The following TMEM134 variants were observed in gnomAD, a reference collection of about 807,000 sequenced individuals.
TMEM134 encodes transmembrane protein 134.
A neutral mutation model predicts 26.2 loss-of-function variants in TMEM134; 36 were observed. The ratio of observed to expected loss-of-function variants is 1.37; its 90% CI spans 1.05 to 1.81. TMEM134 has a LOEUF of 1.81. Ranked by LOEUF, TMEM134 falls within the 40% of genes most tolerant of loss-of-function variation. The pLI is 0.00. For synonymous variants in TMEM134, 133 were observed against 113.6 expected (o/e 1.17, Z -1.08); for missense variants, 339 against 263.5 (o/e 1.29, Z -1.98).
intron 5 of TMEM134, 74 bp from the exon 6 acceptor site, chr11:67,464,930 C>T: frequency 1.9e-6 from 3 of 1,569,546 alleles, no homozygotes; most frequent in Admixed American, 1.7e-5. Flanking sequence ...CCGCTGACTG[C>T]CCGGGCAAGC....
At chr11:67,464,900 C>T in intron 5 of TMEM134, 44 bp from the exon 6 acceptor site, 1 of 1,602,462 alleles carries the variant, frequency 6.2e-7, no homozygotes, top group Non-Finnish European at 8.5e-7. Flanking sequence ...GGGGCGGAGG[C>T]TTCGAGGCCT....
chr11:67,469,167 CTGAA>C lies in TMEM134; in HGVS notation c.22_25del (p.Phe8AlafsTer108). On this transcript the variant is annotated frameshift_variant, in exon 1 of 7. Coordinates refer to ENST00000308022, the MANE Select transcript of TMEM134 (RefSeq NM_025124.4). LOFTEE classifies it high-confidence loss of function. ...GGACAGCTCGAAGGCATCATCAATGCTGAACTGGGGCCGGGCGGCGCTCATGGCC... is the reference window on the plus strand; with the variant it reads ...GGACAGCTCGAAGGCATCATCAATGCCTGGGGCCGGGCGGCGCTCATGGCC... The C allele has an allele frequency of 1.4e-6, 2 of 1,403,826 alleles. No homozygotes were observed. Among genetic ancestry groups the C allele is most frequent in the Non-Finnish European group, 9.3e-7 (1 of 1,070,110 alleles). 87.0% of individuals were successfully genotyped at this position (1,403,826 alleles called of 1,614,324 possible).
intron 2 of TMEM134, 80 bp from the exon 3 acceptor site, chr11:67,467,670 G>C (rs1421088357): frequency 3.6e-6 from 5 of 1,407,182 alleles, no homozygotes; most frequent in Non-Finnish European, 5.0e-6. Context: ...TGAAGTGCAG[G>C]GCATGGTGCA....
rs1243077372 is a variant in TMEM134, at chr11:67,463,237, G to A, written c.*1377C>T. 6.6e-6 allele frequency: 1 copy of A among 152,234 alleles called. No individual in the cohort carries two copies. The highest frequency in any genetic ancestry group is 2.4e-5 in the African/African-American group (1 of 41,422). 9.4% of individuals were successfully genotyped at this position (152,234 alleles called of 1,614,324 possible). On this transcript the variant is annotated 3_prime_UTR_variant, in exon 7 of 7. Transcript: ENST00000308022. ...AGGCCCCGCTGTGTTGGGTGCTGCA[G>A]ACAGTGGTTTGTGGGACCCGTGTTT...
intron 2 of TMEM134, 142 bp downstream of exon 2, chr11:67,467,886 T>G: frequency 1.2e-6 from 1 of 813,972 alleles, no homozygotes; most frequent in South Asian, 1.6e-5. Context: ...TAGGAGACCC[T>G]GTGAGGAAAG....
At chr11:67,467,775 GT>G in intron 2 of TMEM134, 185 bp from the exon 3 acceptor site, 1 of 681,100 alleles carries the variant, frequency 1.5e-6, no homozygotes, top group Non-Finnish European at 2.5e-6. Flanking sequence ...AGGGGATTCT[GT>G]AGGACAGGTG....
chr11:67,468,070 C>T lies in TMEM134; in HGVS notation c.197G>A (p.Gly66Glu), dbSNP rs780633618. 16 of 1,564,164 alleles carry T rather than the reference C, an allele frequency of 1.0e-5. No homozygotes were observed. Among genetic ancestry groups the T allele is most frequent in the Non-Finnish European group, 2.6e-6 (3 of 1,153,922 alleles). ...RYQNLENDED[G>E]AQASPEPDGG... ...ATCCGGCTCCGGAGAGGCCTGGGCT[C>T]CATCCTCATCGTTCTCCAGGTTCTG... The change falls in exon 2 of 7, where the codon GGA becomes GAA. Residue 66 changes from glycine (G) to glutamate (E), a missense_variant. Coordinates refer to ENST00000308022, the MANE Select transcript of TMEM134 (RefSeq NM_025124.4).
At chr11:67,468,799 C>T (rs1485710848) in intron 1 of TMEM134, among the ~76,000 whole-genome samples, 1 of 152,184 alleles carries the variant, frequency 6.6e-6, no homozygotes, top group Non-Finnish European at 1.5e-5. Context: ...GCTCCCGGGC[C>T]CGGGCACTGG....
rs774373922 is a variant in TMEM134 at position 67,464,802 on chromosome 11, C to A, written c.505+1G>T. ...CCTTCCGCCCCGGTGCCCGCTCGCA[C>A]CTCCAGGCACCAACAACAGGAAGCC... is the stretch of plus-strand genomic sequence containing the variant. On this transcript the variant is annotated splice_donor_variant, in intron 6 of 6. Transcript: ENST00000308022. LOFTEE classifies it high-confidence loss of function. 6.2e-7 allele frequency: 1 copy of A among 1,607,376 alleles called. No individual in the cohort carries two copies. Among genetic ancestry groups the A allele is most frequent in the Admixed American group, 1.7e-5 (1 of 59,594 alleles).
At position 67,468,095 on chromosome 11, in the gene TMEM134, G is replaced by A. The variant is rs1591025618; in HGVS notation, c.175-3C>T. 1.3e-6 allele frequency: 2 copies of A among 1,561,524 alleles called. No individual in the cohort carries two copies. The highest frequency in any genetic ancestry group is 8.7e-7 in the Non-Finnish European group (1 of 1,152,406). On this transcript the variant is annotated splice_region_variant and splice_polypyrimidine_tract_variant and intron_variant, in intron 1 of 6. Transcript: ENST00000308022. ...CCATCCTCATCGTTCTCCAGGTTCT[G>A]TTGCAGAACACAGGTCTCAGGGGGG...
In TMEM134 at chr11:67,467,333, G is replaced by A. The variant is rs1865323221; in HGVS notation, c.385C>T (p.Leu129=). Residue 129 remains leucine, a synonymous_variant, in exon 4 of 7, where the codon CTG becomes TTG. Coordinates refer to ENST00000308022, the MANE Select transcript of TMEM134 (RefSeq NM_025124.4). ...KNRRVVLASF[L]LLLLGLVLIL... Reference sequence around the variant, plus strand: ...TCACCCAGCCCCAGCAGCAGGAGCAGGAAGGAGGCCAGCACCACTCGGCGG... The same window carrying A: ...TCACCCAGCCCCAGCAGCAGGAGCAAGAAGGAGGCCAGCACCACTCGGCGG... 3 of 1,613,848 alleles carry A rather than the reference G, an allele frequency of 1.9e-6. No homozygotes were observed. In the East Asian group the frequency reaches 6.7e-5, roughly 36 times the overall value.
rs747382972 is a variant in TMEM134 at position 67,467,541 on chromosome 11, T to G, written c.289A>C (p.Ile97Leu). The G allele has an allele frequency of 6.2e-7, 1 of 1,614,010 alleles. No homozygotes were observed. The highest frequency in any genetic ancestry group is 1.1e-5 in the South Asian group (1 of 91,078). Reference sequence around the variant, plus strand: ...TAGGAGCGCTGGGTGCTGCTGCTGATGGTGCTGAAGGACCACTGGGAGCTG... The same window carrying G: ...TAGGAGCGCTGGGTGCTGCTGCTGAGGGTGCTGAAGGACCACTGGGAGCTG... ...IRSSQWSFSTISSSTQRSYNT... is the reference protein window; with the variant it reads ...IRSSQWSFSTLSSSTQRSYNT... The change falls in exon 3 of 7, where the codon ATC becomes CTC. Residue 97 changes from isoleucine (I) to leucine (L), a missense_variant. By Grantham distance (5) the Ile-to-Leu change is conservative (BLOSUM62 2). Transcript: ENST00000308022.
intron 1 of TMEM134, 100 bp from the exon 2 acceptor site, chr11:67,468,192 C>T: frequency 8.8e-7 from 1 of 1,135,634 alleles, no homozygotes. Context: ...ATTTGCCTGG[C>T]CGCCTGGCAG....
chr11:67,467,192 G>C, intron 4 of TMEM134, 120 bp downstream of exon 4: 3 of 914,856 alleles, frequency 3.3e-6, no homozygotes, highest in Non-Finnish European at 5.1e-6. Flanking sequence ...GATGATGGCA[G>C]CCAGCTGCCT....
At chr11:67,468,336 C>T (rs111660959) in intron 1 of TMEM134, 7,981 of 539,088 alleles carry the variant, frequency 0.015, 104 homozygotes, top group South Asian at 0.024. Context: ...GAGCTCCCAA[C>T]TTTGGGTTAG....
intron 4 of TMEM134, 85 bp downstream of exon 4, chr11:67,467,227 G>A: frequency 7.5e-7 from 1 of 1,337,862 alleles, no homozygotes; most frequent in Non-Finnish European, 1.1e-6. Flanking sequence ...GAGGCTCAGT[G>A]TCAAGGGGGA....
chr11:67,467,423 G>A (rs1253549525), intron 3 of TMEM134, 35 bp from the exon 4 acceptor site: 1 of 1,613,358 alleles, frequency 6.2e-7, no homozygotes, highest in East Asian at 2.2e-5. Context: ...ATGTGAAGGA[G>A]GTGGAGGGAG....
rs1255605422 is a variant in TMEM134, at chr11:67,469,193, G to T, written c.-1C>A. Reference sequence around the variant, plus strand: ...TGAACTGGGGCCGGGCGGCGCTCATGGCCCCGGCCCGCTCAGGCGCCGTGC... The same window carrying T: ...TGAACTGGGGCCGGGCGGCGCTCATTGCCCCGGCCCGCTCAGGCGCCGTGC... On this transcript the variant is annotated 5_prime_UTR_variant, in exon 1 of 7. Coordinates refer to ENST00000308022, the MANE Select transcript of TMEM134 (RefSeq NM_025124.4). The T allele has an allele frequency of 7.7e-7, 1 of 1,297,712 alleles. No homozygotes were observed. The highest frequency in any genetic ancestry group is 9.8e-7 in the Non-Finnish European group (1 of 1,016,850). The allele number at this position is 1,297,712 out of a possible 1,614,324, so 80.4% of individuals were successfully genotyped here. A position where few individuals can be genotyped will look rare whatever the true frequency, so the allele number is the denominator to read the frequency against.
intron 5 of TMEM134, 38 bp from the exon 6 acceptor site, chr11:67,464,894 C>T: frequency 1.2e-6 from 2 of 1,605,670 alleles, no homozygotes; most frequent in Non-Finnish European, 1.7e-6. Flanking sequence ...GGCGAGGGGG[C>T]GGAGGCTTCG....
Sources: allele counts gnomAD v4.1 joint callset (sites outside exome capture counted in the v4.1 genomes callset), GRCh38; gene constraint gnomAD v4.1.1; transcripts MANE v1.5; gene names NCBI Gene and HGNC (gene_info 2026-07-23, HGNC 2026-07-21).